The following PDGFRL variants were observed in gnomAD, a reference collection of about 807,000 sequenced individuals.
The protein encoded by PDGFRL is platelet derived growth factor receptor like, also known as platelet-derived growth factor receptor-like protein.
Under a neutral mutation model 37.2 loss-of-function variants are expected in PDGFRL, and 46 were observed. The observed-to-expected ratio is 1.24, with a 90% CI of 0.98 to 1.58. PDGFRL has a LOEUF of 1.58. PDGFRL is among the 40% of genes most tolerant of loss of function. The pLI, the probability that PDGFRL is intolerant of heterozygous loss-of-function variation, is 0.00. For synonymous variants in PDGFRL, 251 were observed against 184.3 expected, an observed-to-expected ratio of 1.36 and a Z score of -2.93; for missense variants, 692 against 467.6, an observed-to-expected ratio of 1.48 and a Z score of -4.43.
intron 1 of PDGFRL, among the ~76,000 whole-genome samples, chr8:17,588,016 C>T (rs1042479080): frequency 2.0e-5 from 3 of 152,028 alleles, no homozygotes; most frequent in Non-Finnish European, 2.9e-5. Flanking sequence ...CGGTGGCCCA[C>T]CACAGGCAGA....
At chr8:17,607,107 G>T (rs1804298217) in intron 2 of PDGFRL, among the ~76,000 whole-genome samples, 1 of 151,954 alleles carries the variant, frequency 6.6e-6, no homozygotes, top group Non-Finnish European at 1.5e-5. Context: ...TGTTGGCCAG[G>T]CTGGTCTCAA....
At chr8:17,590,807 CAGG>C (rs1165490704) in intron 2 of PDGFRL, among the ~76,000 whole-genome samples, 3 of 152,020 alleles carry the variant, frequency 2.0e-5, no homozygotes, top group African/African-American at 7.2e-5. Flanking sequence ...AATGACCTAA[CAGG>C]AGATTTCTGT....
At chr8:17,590,711 C>CA (rs1803918332) in intron 2 of PDGFRL, among the ~76,000 whole-genome samples, 1 of 150,450 alleles carries the variant, frequency 6.6e-6, no homozygotes, top group African/African-American at 2.4e-5. Flanking sequence ...AACTCCGTCT[C>CA]AAAAAAATAA....
rs151050240 is a variant in PDGFRL at position 17,578,262 on chromosome 8, T to G, written c.55+955T>G. ...AGTGGAAAAGTAGCTTTTGCTGTTA[T>G]GCAACTTCATGCTGGAGCCAGCTCG... On this transcript the variant is annotated intron_variant, in intron 1 of 5. Transcript: ENST00000251630. Among the ~76,000 whole-genome samples the G allele has an allele frequency of 3.0e-4, 46 of 152,332 alleles. No individual in the cohort carries two copies. In the East Asian group the frequency reaches 8.3e-3, roughly 28 times the overall value.
chr8:17,589,308 C>T (rs1585300942), intron 1 of PDGFRL, among the ~76,000 whole-genome samples, 160 bp from the exon 2 acceptor site: 1 of 151,904 alleles, frequency 6.6e-6, no homozygotes, highest in Non-Finnish European at 1.5e-5. Context: ...ATCACTTGAA[C>T]CTGGGAGGTG....
intron 4 of PDGFRL, among the ~76,000 whole-genome samples, chr8:17,631,287 C>T (rs1016977071): frequency 2.6e-5 from 4 of 152,142 alleles, no homozygotes. Flanking sequence ...ACTTTAGTCT[C>T]TCCGAGAACT....
At chr8:17,608,946 A>C (rs74533075) in intron 2 of PDGFRL, among the ~76,000 whole-genome samples, 6,430 of 152,264 alleles carry the variant, frequency 0.042, 340 homozygotes, top group African/African-American at 0.12. Context: ...GGGCCAGGCA[A>C]GGCAGCTCAT....
rs146839946 is a variant in PDGFRL at position 17,588,765 on chromosome 8, G to T, written c.56-703G>T. On this transcript the variant is annotated intron_variant, in intron 1 of 5. Transcript: ENST00000251630. ...TACAGATTTCTGTGTTTAAACAGTAGAATCAAAATGAATGGTGACAACATA... is the reference window on the plus strand; with the variant it reads ...TACAGATTTCTGTGTTTAAACAGTATAATCAAAATGAATGGTGACAACATA... Among the ~76,000 whole-genome samples the T allele has an allele frequency of 2.3e-3, 355 of 152,240 alleles. 2 individuals carry two copies. Among genetic ancestry groups the T allele is most frequent in the Middle Eastern group, 0.02 (6 of 294 alleles).
intron 3 of PDGFRL, among the ~76,000 whole-genome samples, chr8:17,627,126 T>C (rs1441488636): frequency 6.6e-6 from 1 of 152,208 alleles, no homozygotes; most frequent in African/African-American, 2.4e-5. Context: ...AAATGCTTCC[T>C]GGCTGGCAGT....
chr8:17,637,346 A>AT (rs1424449482), intron 5 of PDGFRL, among the ~76,000 whole-genome samples: 2 of 151,950 alleles, frequency 1.3e-5, no homozygotes, highest in Non-Finnish European at 2.9e-5. Context: ...TGATCATGTG[A>AT]TTTTTTGTTT....
At chr8:17,582,597 A>C (rs1803730835) in intron 1 of PDGFRL, among the ~76,000 whole-genome samples, 1 of 152,014 alleles carries the variant, frequency 6.6e-6, no homozygotes, top group South Asian at 2.1e-4. Flanking sequence ...AAAAAAAAAA[A>C]AAACTTAGGC....
At chr8:17,629,749 A>G (rs747241745) in intron 4 of PDGFRL, among the ~76,000 whole-genome samples, 28 of 152,042 alleles carry the variant, frequency 1.8e-4, no homozygotes, top group Middle Eastern at 3.2e-3. Flanking sequence ...CCTCATCACA[A>G]TGTGAACATG....
Position 17,584,528 on chromosome 8 carries a change from A to G in PDGFRL, c.56-4940A>G, listed in dbSNP as rs1241029131. On this transcript the variant is annotated intron_variant, in intron 1 of 5. Coordinates refer to ENST00000251630, the MANE Select transcript of PDGFRL (RefSeq NM_001372073.1). ...ATCAGGCAGGTCAGGAAAATGAGGA[A>G]GAGCTGCCACAGACTGAAGAGTTGT... Among the ~76,000 whole-genome samples the G allele has an allele frequency of 3.3e-5, 5 of 152,068 alleles. No individual in the cohort carries two copies. In the East Asian group the frequency reaches 9.7e-4, roughly 29 times the overall value.
At chr8:17,589,268 C>G (rs1246302531) in intron 1 of PDGFRL, among the ~76,000 whole-genome samples, 200 bp from the exon 2 acceptor site, 1 of 151,982 alleles carries the variant, frequency 6.6e-6, no homozygotes, top group Non-Finnish European at 1.5e-5. Context: ...CACCTGTAAT[C>G]TCAGCTACTC....
At chr8:17,622,641 G>A (rs955495039) in intron 3 of PDGFRL, among the ~76,000 whole-genome samples, 5 of 152,184 alleles carry the variant, frequency 3.3e-5, no homozygotes, top group African/African-American at 9.7e-5. Flanking sequence ...CTTGTCTCAT[G>A]CCAGGAAAAC....
At chr8:17,602,246 G>C (rs776596849) in intron 2 of PDGFRL, among the ~76,000 whole-genome samples, 2 of 152,126 alleles carry the variant, frequency 1.3e-5, no homozygotes, top group Admixed American at 1.3e-4. Context: ...GTATGTCTTC[G>C]AGGAAGCCCC....
chr8:17,631,165 C>T (rs1345428234), intron 4 of PDGFRL, among the ~76,000 whole-genome samples: 1 of 152,142 alleles, frequency 6.6e-6, no homozygotes, highest in African/African-American at 2.4e-5. Context: ...CCTTGGCAAG[C>T]AGTTCTCTGA....
In PDGFRL at chr8:17,577,786, G is replaced by C. The variant is rs544581930; in HGVS notation, c.55+479G>C. Among the ~76,000 whole-genome samples, 14 of 151,576 alleles carry C rather than the reference G, an allele frequency of 9.2e-5. No individual in the cohort carries two copies. The South Asian group carries it at 2.7e-3, about 29-fold the overall frequency. ...CCTCCCCCTCCCCTCGCAGTTCTGG[G>C]CGTGTTTTCGTCTACCACCTTTTGC... On this transcript the variant is annotated intron_variant, in intron 1 of 5. Transcript: ENST00000251630.
chr8:17,577,145 C>A, upstream of PDGFRL: 2 of 1,478,898 alleles, frequency 1.4e-6, no homozygotes, highest in Non-Finnish European at 1.8e-6. Flanking sequence ...GAAACCGAAT[C>A]CTCCCGCTTC....
Sources: allele counts gnomAD v4.1 joint callset (sites outside exome capture counted in the v4.1 genomes callset), GRCh38; gene constraint gnomAD v4.1.1; transcripts MANE v1.5; gene names NCBI Gene and HGNC (gene_info 2026-07-23, HGNC 2026-07-21).